The following DAB1 variants were observed in gnomAD, a reference collection of about 807,000 sequenced individuals.
DAB1 encodes the protein disabled homolog 1.
DAB1 carries 15 observed loss-of-function variants against 64.6 expected under a neutral mutation model. The ratio of observed to expected loss-of-function variants is 0.23; its 90% confidence interval spans 0.16 to 0.36. DAB1 has a LOEUF of 0.36. DAB1 is among the 10% of genes least tolerant of loss of function. DAB1 has a pLI of 1.00. For synonymous variants in DAB1, 235 were observed against 251.9 expected (o/e 0.93, Z 0.64); for missense variants, 596 against 706.7 (o/e 0.84, Z 1.78).
At chr1:57,517,839 C>T (rs945371565) in intron 7 of DAB1, among the ~76,000 whole-genome samples, 1 of 152,172 alleles carries the variant, frequency 6.6e-6, no homozygotes, top group East Asian at 1.9e-4. Flanking sequence ...GTTTCCTATA[C>T]ACCTCTTCCA....
chr1:58,198,740 G>C (rs1009150604), intron 4 of DAB1, among the ~76,000 whole-genome samples: 1 of 152,230 alleles, frequency 6.6e-6, no homozygotes, highest in Non-Finnish European at 1.5e-5. Flanking sequence ...AATCCATTGA[G>C]AGGCAGAACT....
intron 1 of DAB1, among the ~76,000 whole-genome samples, chr1:57,373,712 C>T (rs1163757720): frequency 6.6e-6 from 1 of 152,228 alleles, no homozygotes; most frequent in Non-Finnish European, 1.5e-5. Flanking sequence ...AATCAGCAGT[C>T]GCAAATTCTG....
chr1:57,038,961 G>C (rs1647357629), intron 9 of DAB1, among the ~76,000 whole-genome samples: 1 of 152,308 alleles, frequency 6.6e-6, no homozygotes, highest in East Asian at 1.9e-4. Context: ...GGGCATAGCT[G>C]TGGGTAAAGC....
intron 5 of DAB1, among the ~76,000 whole-genome samples, chr1:58,075,624 T>C (rs548487361): frequency 6.6e-6 from 1 of 152,352 alleles, no homozygotes; most frequent in East Asian, 1.9e-4. Flanking sequence ...TAAATTAAGC[T>C]GTCCTGATTG....
chr1:57,275,130 G>T (rs1671357159), intron 2 of DAB1, among the ~76,000 whole-genome samples: 1 of 151,958 alleles, frequency 6.6e-6, no homozygotes. Context: ...AAGATAAAGA[G>T]AAAAGGATAG....
intron 4 of DAB1, among the ~76,000 whole-genome samples, chr1:58,321,387 T>C (rs879640797): frequency 6.6e-6 from 1 of 152,166 alleles, no homozygotes; most frequent in Non-Finnish European, 1.5e-5. Flanking sequence ...CTGAGGTACC[T>C]GGTTCATCTC....
At chr1:58,066,763 T>C (rs1169750162) in intron 5 of DAB1, among the ~76,000 whole-genome samples, 1 of 152,210 alleles carries the variant, frequency 6.6e-6, no homozygotes, top group Non-Finnish European at 1.5e-5. Context: ...CAGCTCCAGG[T>C]GCAAGAGTCT....
chr1:58,473,278 C>G (rs936483777), intron 3 of DAB1, among the ~76,000 whole-genome samples: 2 of 151,534 alleles, frequency 1.3e-5, no homozygotes, highest in African/African-American at 4.9e-5. Context: ...CGCGGTGGCT[C>G]ACGCCTGTAA....
chr1:57,439,202 A>AAGGCCT (rs1339936076), intron 7 of DAB1, among the ~76,000 whole-genome samples: 4 of 152,102 alleles, frequency 2.6e-5, no homozygotes, highest in African/African-American at 9.7e-5. Context: ...TTAGTCTCCT[A>AAGGCCT]AAGGAAACAG....
chr1:57,894,933 G>A (rs538959683), intron 5 of DAB1, among the ~76,000 whole-genome samples: 1 of 152,078 alleles, frequency 6.6e-6, no homozygotes, highest in African/African-American at 2.4e-5. Flanking sequence ...TACATAAATT[G>A]GTCTGAGCAA....
rs1463926589 is a variant in DAB1 at position 58,250,349 on chromosome 1, G to C, written n.309+93003C>G. On this transcript the variant is annotated intron_variant and non_coding_transcript_variant, in intron 4 of 20. Coordinates refer to the DAB1 transcript ENST00000485760. Reference sequence around the variant, plus strand: ...TGTTCCCTGGGGCTGGCAGGTCCGTGTGGGGCCAGGGCGCGCGGGAGACGC... The same window carrying C: ...TGTTCCCTGGGGCTGGCAGGTCCGTCTGGGGCCAGGGCGCGCGGGAGACGC... 1.3e-5 allele frequency among the ~76,000 whole-genome samples: 2 copies of C among 152,248 alleles called. 1 individual carries two copies. The highest frequency in any genetic ancestry group is 2.9e-5 in the Non-Finnish European group (2 of 68,044).
At chr1:58,044,057 G>T (rs995161976) in intron 5 of DAB1, among the ~76,000 whole-genome samples, 1 of 152,192 alleles carries the variant, frequency 6.6e-6, no homozygotes, top group African/African-American at 2.4e-5. Context: ...TTGTAGATGT[G>T]TCAATTACCT....
At chr1:57,507,561 C>T (rs1644358145) in intron 7 of DAB1, among the ~76,000 whole-genome samples, 1 of 152,100 alleles carries the variant, frequency 6.6e-6, no homozygotes, top group Non-Finnish European at 1.5e-5. Context: ...GTGTGAAGGC[C>T]TGAACTGTGA....
At chr1:58,101,912 T>G (rs970522212) in intron 5 of DAB1, among the ~76,000 whole-genome samples, 4 of 152,192 alleles carry the variant, frequency 2.6e-5, no homozygotes, top group Non-Finnish European at 4.4e-5. Flanking sequence ...GATCCAGGTT[T>G]GCAGGTCCTG....
intron 14 of DAB1, among the ~76,000 whole-genome samples, chr1:57,007,307 G>A (rs1398717916): frequency 2.6e-5 from 4 of 152,142 alleles, no homozygotes; most frequent in African/African-American, 9.7e-5. Context: ...TATTTACTTA[G>A]CCATTTAACC....
chr1:58,494,425 A>C (rs1050915965), intron 3 of DAB1, among the ~76,000 whole-genome samples: 6 of 152,158 alleles, frequency 3.9e-5, no homozygotes, highest in Non-Finnish European at 8.8e-5. Context: ...AATGGGATCT[A>C]ATTAAACTAA....
intron 2 of DAB1, among the ~76,000 whole-genome samples, chr1:57,190,786 C>T (rs1664058241): frequency 6.6e-6 from 1 of 152,178 alleles, no homozygotes; most frequent in Non-Finnish European, 1.5e-5. Context: ...CAGAGTTGGA[C>T]TCTGCTGGGG....
chr1:57,450,550 A>G (rs551417172), intron 7 of DAB1, among the ~76,000 whole-genome samples: 1 of 152,196 alleles, frequency 6.6e-6, no homozygotes, highest in African/African-American at 2.4e-5. Flanking sequence ...CTGTCCTACT[A>G]TGTCACAGAT....
At chr1:57,512,863 A>ATGTG (rs1558449510) in intron 7 of DAB1, among the ~76,000 whole-genome samples, 4 of 152,180 alleles carry the variant, frequency 2.6e-5, no homozygotes, top group Non-Finnish European at 5.9e-5. Flanking sequence ...AGGAGCCCAC[A>ATGTG]GGCTCCTGCC....
Sources: allele counts gnomAD v4.1 joint callset (sites outside exome capture counted in the v4.1 genomes callset), GRCh38; gene constraint gnomAD v4.1.1; transcripts MANE v1.5; gene names NCBI Gene and HGNC (gene_info 2026-07-23, HGNC 2026-07-21).